Variants in HS3ST4 observed in about 807,000 individuals in gnomAD.
The protein encoded by HS3ST4 is heparan sulfate glucosamine 3-O-sulfotransferase 4.
A neutral mutation model predicts 29.2 loss-of-function variants in HS3ST4; 17 were observed. That is an observed-to-expected ratio of 0.58 (90% CI 0.40 to 0.87). The LOEUF is 0.87. Ranked by LOEUF, HS3ST4 falls within the 40% of genes least tolerant of loss-of-function variation. HS3ST4 has a pLI of 0.00. For missense variants in HS3ST4, 627 were observed against 634.5 expected (o/e 0.99, Z 0.13); for synonymous variants, 314 against 285.7 (o/e 1.10, Z -1.00).
At chr16:25,735,478 T>C (rs1966602326) in intron 1 of HS3ST4, among the ~76,000 whole-genome samples, 1 of 152,098 alleles carries the variant, frequency 6.6e-6, no homozygotes, top group Non-Finnish European at 1.5e-5. Context: ...AGCCTTGAAC[T>C]CCTGGGCTTA....
At chr16:25,715,562 A>G (rs1317940679) in intron 1 of HS3ST4, among the ~76,000 whole-genome samples, 1 of 152,248 alleles carries the variant, frequency 6.6e-6, no homozygotes, top group Non-Finnish European at 1.5e-5. Context: ...TTCTGCATGA[A>G]AGGGAAAAAA....
In HS3ST4 at chr16:26,075,191, CA is replaced by C. The variant is rs973511302; in HGVS notation, c.735-60412del. ...CCGGCAACAGAGTGAGACTCTGTCT[CA>C]AAAAAAAAGACTCACACCATGTGTC... On this transcript the variant is annotated intron_variant, in intron 1 of 1. Coordinates refer to ENST00000331351, the MANE Select transcript of HS3ST4 (RefSeq NM_006040.3). Among the ~76,000 whole-genome samples, 11 of 150,624 alleles carry C rather than the reference CA, an allele frequency of 7.3e-5. No individual in the cohort carries two copies. The East Asian group carries it at 2.1e-3, about 29-fold the overall frequency.
At chr16:25,960,440 G>C (rs1968783811) in intron 1 of HS3ST4, among the ~76,000 whole-genome samples, 1 of 152,182 alleles carries the variant, frequency 6.6e-6, no homozygotes, top group Non-Finnish European at 1.5e-5. Flanking sequence ...TCCTAAAGTG[G>C]TTCTGCGTGA....
chr16:25,872,855 C>T (rs1316595659), intron 1 of HS3ST4, among the ~76,000 whole-genome samples: 1 of 151,356 alleles, frequency 6.6e-6, no homozygotes, highest in Non-Finnish European at 1.5e-5. Context: ...CTACAAGCTT[C>T]TCTGTGGGTC....
At chr16:26,088,266 T>G (rs1372737943) in intron 1 of HS3ST4, among the ~76,000 whole-genome samples, 1 of 152,256 alleles carries the variant, frequency 6.6e-6, no homozygotes, top group African/African-American at 2.4e-5. Context: ...CTGTTCTTTG[T>G]GGAAGTCTTC....
chr16:25,879,622 G>A (rs1967872740), intron 1 of HS3ST4, among the ~76,000 whole-genome samples: 1 of 151,992 alleles, frequency 6.6e-6, no homozygotes, highest in South Asian at 2.1e-4. Context: ...GGGAATTATG[G>A]GAGCTACAAG....
intron 1 of HS3ST4, among the ~76,000 whole-genome samples, chr16:26,016,590 G>A (rs374152103): frequency 7.2e-5 from 11 of 152,252 alleles, no homozygotes; most frequent in South Asian, 4.1e-4. Flanking sequence ...TTTTTAAAAT[G>A]TGTTTTGTTT....
intron 1 of HS3ST4, among the ~76,000 whole-genome samples, chr16:26,089,656 G>T (rs1349662221): frequency 6.6e-6 from 1 of 152,204 alleles, no homozygotes; most frequent in Non-Finnish European, 1.5e-5. Flanking sequence ...AAAAGCCAGA[G>T]TTTTGTTTAG....
chr16:25,931,168 AT>A (rs1182641321), intron 1 of HS3ST4, among the ~76,000 whole-genome samples: 1 of 152,160 alleles, frequency 6.6e-6, no homozygotes, highest in Non-Finnish European at 1.5e-5. Context: ...TTTCAATGGA[AT>A]TGTTTCCCCA....
chr16:25,871,020 A>G (rs779365959), intron 1 of HS3ST4, among the ~76,000 whole-genome samples: 8 of 152,244 alleles, frequency 5.3e-5, no homozygotes, highest in Non-Finnish European at 1.0e-4. Context: ...GAGGAAATCA[A>G]ATCACATGGG....
At chr16:26,021,387 T>C (rs557905572) in intron 1 of HS3ST4, among the ~76,000 whole-genome samples, 2 of 152,350 alleles carry the variant, frequency 1.3e-5, no homozygotes, top group African/African-American at 2.4e-5. Context: ...TCCTGTTGAC[T>C]TCTGTCCTCC....
At chr16:25,799,837 CATCT>C (rs1160015718) in intron 1 of HS3ST4, among the ~76,000 whole-genome samples, 3 of 152,096 alleles carry the variant, frequency 2.0e-5, no homozygotes, top group Middle Eastern at 3.4e-3. Flanking sequence ...TGTATCTACC[CATCT>C]ATCTATCTAT....
intron 1 of HS3ST4, among the ~76,000 whole-genome samples, chr16:26,013,470 C>T (rs1017766387): frequency 5.3e-5 from 8 of 152,144 alleles, no homozygotes; most frequent in Non-Finnish European, 7.4e-5. Context: ...AGAATTCCAC[C>T]GTAATTACTC....
intron 1 of HS3ST4, among the ~76,000 whole-genome samples, chr16:25,897,174 G>A (rs1275899777): frequency 6.6e-6 from 1 of 152,128 alleles, no homozygotes; most frequent in African/African-American, 2.4e-5. Flanking sequence ...AATACTGGGG[G>A]CCAGGCACAG....
intron 1 of HS3ST4, among the ~76,000 whole-genome samples, chr16:25,918,415 T>C (rs904844129): frequency 6.6e-6 from 1 of 152,216 alleles, no homozygotes; most frequent in Admixed American, 6.5e-5. Flanking sequence ...GTCATGGATG[T>C]ATGCAGTTTA....
At chr16:26,010,626 T>C (rs1969301991) in intron 1 of HS3ST4, among the ~76,000 whole-genome samples, 1 of 152,090 alleles carries the variant, frequency 6.6e-6, no homozygotes, top group African/African-American at 2.4e-5. Flanking sequence ...TCTAGAAGGA[T>C]TTTACCTGGA....
chr16:25,977,629 C>A (rs1386039961), intron 1 of HS3ST4, among the ~76,000 whole-genome samples: 1 of 152,186 alleles, frequency 6.6e-6, no homozygotes, highest in Non-Finnish European at 1.5e-5. Flanking sequence ...ATTTTGAAAA[C>A]CCTGTTCCCA....
At chr16:26,091,305 G>T (rs1015351887) in intron 1 of HS3ST4, among the ~76,000 whole-genome samples, 2 of 152,184 alleles carry the variant, frequency 1.3e-5, no homozygotes, top group African/African-American at 4.8e-5. Flanking sequence ...CAGGTGTGTT[G>T]TTGGATAGAT....
chr16:26,125,618 A>G (rs1199053887), intron 1 of HS3ST4, among the ~76,000 whole-genome samples: 2 of 152,246 alleles, frequency 1.3e-5, no homozygotes, highest in African/African-American at 4.8e-5. Context: ...TCTTCACGTT[A>G]TACCCAGAGG....
Sources: allele counts gnomAD v4.1 joint callset (sites outside exome capture counted in the v4.1 genomes callset), GRCh38; gene constraint gnomAD v4.1.1; transcripts MANE v1.5; gene names NCBI Gene and HGNC (gene_info 2026-07-23, HGNC 2026-07-21).